CORO2B: variants seen among roughly 807,000 people sequenced by gnomAD.
CORO2B encodes coronin 2B, also known as coronin-2B.
A neutral mutation model predicts 58.8 loss-of-function variants in CORO2B; 26 were observed. That is an observed-to-expected ratio of 0.44 (90% CI 0.32 to 0.61). The LOEUF (loss-of-function observed/expected upper bound fraction) is 0.61, where lower values mean the gene tolerates loss of function less well. Among genes scored for constraint, CORO2B ranks in the 20% least tolerant of loss-of-function variants. CORO2B has a pLI of 0.04. For synonymous variants in CORO2B, 242 were observed against 253.8 expected (o/e 0.95, Z 0.44); for missense variants, 460 against 645.1 (o/e 0.71, Z 3.11).
the CORO2B span, among the ~76,000 whole-genome samples, chr15:68,565,853 T>C: frequency 1.1e-4 from 17 of 152,358 alleles, 1 homozygote; most frequent in South Asian, 3.5e-3. Flanking sequence ...GGTTCCCCAG[T>C]TTCCCCCTCT....
chr15:68,576,173 A>AAAAAAAAAAGAAAG (rs1555409381), upstream of CORO2B, among the ~76,000 whole-genome samples: 1 of 103,892 alleles, frequency 9.6e-6, no homozygotes, highest in Non-Finnish European at 1.9e-5. Context: ...AAAAAAAAAA[A>AAAAAAAAAAGAAAG]AAAGAAAGAA....
intron 1 of CORO2B, among the ~76,000 whole-genome samples, chr15:68,579,726 G>C (rs1899379394): frequency 6.6e-6 from 1 of 152,198 alleles, no homozygotes; most frequent in Non-Finnish European, 1.5e-5. Context: ...CCACCTGCCA[G>C]CCTCTGCCGC....
At chr15:68,653,154 G>A (rs1160121289) in intron 2 of CORO2B, among the ~76,000 whole-genome samples, 1 of 152,106 alleles carries the variant, frequency 6.6e-6, no homozygotes, top group Non-Finnish European at 1.5e-5. Flanking sequence ...TGGAGCAGCG[G>A]TCCAGACAAG....
In CORO2B at chr15:68,645,296, G is replaced by A. The variant is rs753693651; in HGVS notation, c.152G>A (p.Arg51His). 83 of 1,613,780 alleles carry A rather than the reference G, an allele frequency of 5.1e-5. No individual in the cohort carries two copies. The highest frequency in any genetic ancestry group is 3.3e-4 in the Middle Eastern group (2 of 6,084). Residue 51 changes from arginine (R) to histidine (H), a missense_variant, in exon 2 of 12, where the codon CGC becomes CAC. Transcript: ENST00000261861. This position sits in a 1 kb window ranked among gnomAD's most constrained non-coding sequence, Gnocchi z 4.5. ...HDNHFCAVNT[R>H]FLAIVTESAG... Reference sequence around the variant, plus strand: ...AACCACTTCTGTGCCGTCAACACCCGCTTCCTGGCCATCGTCACCGAGAGC... The same window carrying A: ...AACCACTTCTGTGCCGTCAACACCCACTTCCTGGCCATCGTCACCGAGAGC...
intron 1 of CORO2B, among the ~76,000 whole-genome samples, chr15:68,589,575 G>C (rs1052089135): frequency 6.6e-6 from 1 of 152,238 alleles, no homozygotes. Flanking sequence ...TCCCAAGGGG[G>C]TATAGGAAAG....
chr15:68,571,972 C>A, the CORO2B span, among the ~76,000 whole-genome samples: 497 of 152,322 alleles, frequency 3.3e-3, 3 homozygotes, highest in African/African-American at 0.011. Context: ...CTCTGCTGAT[C>A]TCTGAAGGAG....
chr15:68,632,157 G>A, intron 1 of CORO2B: 1 of 985,588 alleles, frequency 1.0e-6, no homozygotes, highest in Non-Finnish European at 1.2e-6. Context: ...GGTGATGTGA[G>A]TGCCTCCTGC....
In CORO2B at chr15:68,579,146, GGCGGGGCGCGGGGAGCGAGCCGGGA is replaced by G; in HGVS notation, c.-114_-90del. ...AGCCCCCAGGCTCGGCCGAGCCGCC[GGCGGGGCGCGGGGAGCGAGCCGGGA>G]GCTGCCGGACCCCCTTCCGCCGCCG... On this transcript the variant is annotated 5_prime_UTR_variant, in exon 1 of 12. Coordinates refer to ENST00000261861, the MANE Select transcript of CORO2B (RefSeq NM_006091.5). 1.0e-6 allele frequency: 1 copy of G among 981,316 alleles called. No individual in the cohort carries two copies. The highest frequency in any genetic ancestry group is 1.2e-6 in the Non-Finnish European group (1 of 828,240). The allele number at this position is 981,316 out of a possible 1,614,324, so 60.8% of individuals were successfully genotyped here.
At chr15:68,680,192 T>C (rs980558535) in intron 2 of CORO2B, among the ~76,000 whole-genome samples, 34 of 152,088 alleles carry the variant, frequency 2.2e-4, no homozygotes, top group African/African-American at 7.2e-4. Flanking sequence ...CAACAGTATC[T>C]TTGCAGCTGG....
At chr15:68,582,916 G>A (rs1489579930) in intron 1 of CORO2B, among the ~76,000 whole-genome samples, 3 of 152,140 alleles carry the variant, frequency 2.0e-5, no homozygotes, top group Non-Finnish European at 2.9e-5. Flanking sequence ...GGGGGTCAGC[G>A]GTCCAGGAGC....
chr15:68,584,936 G>C (rs1899513786), intron 1 of CORO2B, among the ~76,000 whole-genome samples: 2 of 136,012 alleles, frequency 1.5e-5, no homozygotes, highest in Admixed American at 1.6e-4. Flanking sequence ...TGGAGTGCGG[G>C]ACCAGCTGCT....
intron 2 of CORO2B, among the ~76,000 whole-genome samples, chr15:68,691,139 C>G (rs1178463368): frequency 2.0e-5 from 3 of 150,668 alleles, no homozygotes; most frequent in Non-Finnish European, 4.4e-5. Context: ...ACCATCCTGG[C>G]TAACACGGTG....
intron 2 of CORO2B, among the ~76,000 whole-genome samples, chr15:68,652,197 C>G (rs1901664178): frequency 6.6e-6 from 1 of 152,154 alleles, no homozygotes; most frequent in Admixed American, 6.5e-5. Flanking sequence ...CTCTGTCTTC[C>G]CCAGGTCTCT....
chr15:68,536,037 C>A, the CORO2B span, among the ~76,000 whole-genome samples: 452 of 152,234 alleles, frequency 3.0e-3, 1 homozygote, highest in African/African-American at 0.01. Flanking sequence ...GTTCTGAAAA[C>A]TTAGTTTATT....
chr15:68,531,555 G>GAGAAAGAAAGA, the CORO2B span, among the ~76,000 whole-genome samples: 1 of 77,798 alleles, frequency 1.3e-5, no homozygotes, highest in Non-Finnish European at 2.6e-5. Flanking sequence ...AAGGAAGGAA[G>GAGAAAGAAAGA]GAAAGAAAGA....
chr15:68,584,250 T>G (rs897838940), intron 1 of CORO2B, among the ~76,000 whole-genome samples: 1 of 152,232 alleles, frequency 6.6e-6, no homozygotes, highest in Admixed American at 6.5e-5. Flanking sequence ...TGTCTCTCCC[T>G]CTAGGCAATG....
chr15:68,663,797 A>G (rs1054124386), intron 2 of CORO2B, among the ~76,000 whole-genome samples: 1 of 152,246 alleles, frequency 6.6e-6, no homozygotes, highest in African/African-American at 2.4e-5. Context: ...TAGGCCTGTG[A>G]AAAGGTACTA....
In CORO2B at chr15:68,727,706, G is replaced by A. The variant is rs1240587636; in HGVS notation, c.*1732G>A. The A allele has an allele frequency of 6.6e-6, 1 of 152,354 alleles. No individual in the cohort carries two copies. The highest frequency in any genetic ancestry group is 6.6e-5 in the Admixed American group (1 of 15,264). 9.4% of individuals were successfully genotyped at this position (152,354 alleles called of 1,614,324 possible). A position where few individuals can be genotyped will look rare whatever the true frequency, so the allele number is the denominator to read the frequency against. ...CATCTCCTCCTCCCACATTTCTGGA[G>A]CTTTTTTTTTTCCTTCCCCATTGAC... On this transcript the variant is annotated 3_prime_UTR_variant, in exon 12 of 12. Transcript: ENST00000261861.
chr15:68,627,969 C>G (rs1900729756), intron 1 of CORO2B, among the ~76,000 whole-genome samples: 1 of 152,134 alleles, frequency 6.6e-6, no homozygotes, highest in Admixed American at 6.6e-5. Flanking sequence ...GAAATCTTCC[C>G]TCCCTGCCCC....
Sources: allele counts gnomAD v4.1 joint callset (sites outside exome capture counted in the v4.1 genomes callset), GRCh38; gene constraint gnomAD v4.1.1; non-coding constraint Gnocchi (gnomAD v3.1); transcripts MANE v1.5; gene names NCBI Gene and HGNC (gene_info 2026-07-23, HGNC 2026-07-21).